Variants in C1QTNF2 observed in about 807,000 individuals in gnomAD.
C1QTNF2 encodes C1q and TNF related 2, also known as complement C1q tumor necrosis factor-related protein 2.
A neutral mutation model predicts 17.4 loss-of-function variants in C1QTNF2; 15 were observed. That is an observed-to-expected ratio of 0.86 (90% CI 0.58 to 1.33). The LOEUF is 1.33. C1QTNF2 is among the 40% of genes most tolerant of loss of function. The pLI is 0.00. For missense variants in C1QTNF2, 381 were observed against 392.3 expected (o/e 0.97, Z 0.24); for synonymous variants, 154 against 163.3 (o/e 0.94, Z 0.44).
chr5:160,359,064 C>T (rs896081424), intron 1 of C1QTNF2, among the ~76,000 whole-genome samples: 6 of 152,222 alleles, frequency 3.9e-5, no homozygotes, highest in Non-Finnish European at 8.8e-5. Context: ...GCGTGAGCCA[C>T]CGCATCCAGC....
intron 1 of C1QTNF2, among the ~76,000 whole-genome samples, chr5:160,359,913 C>A (rs867521711): frequency 9.8e-5 from 15 of 152,320 alleles, no homozygotes; most frequent in African/African-American, 3.4e-4. Context: ...AGCCTCAGCT[C>A]CTCCCTGGCT....
intron 1 of C1QTNF2, among the ~76,000 whole-genome samples, chr5:160,355,902 T>C (rs547314409): frequency 6.6e-6 from 1 of 152,342 alleles, no homozygotes; most frequent in Admixed American, 6.5e-5. Context: ...AGCCAAAAGA[T>C]TGGACACTCC....
chr5:160,362,752 T>G (rs1438244687), intron 1 of C1QTNF2, among the ~76,000 whole-genome samples: 3 of 152,142 alleles, frequency 2.0e-5, no homozygotes, highest in Non-Finnish European at 4.4e-5. Context: ...TGGGCTTGGA[T>G]TCTGAAGACT....
rs569609439 is a variant in C1QTNF2 at position 160,369,242 on chromosome 5, G to A, written c.-10+1270C>T. Reference sequence around the variant, plus strand: ...GTTCGAATTTCTTGTGATGAGCGTCGTTACTTTTATAACATTTAAAACAAA... The same window carrying A: ...GTTCGAATTTCTTGTGATGAGCGTCATTACTTTTATAACATTTAAAACAAA... On this transcript the variant is annotated intron_variant, in intron 1 of 2. Transcript: ENST00000652664. Among the ~76,000 whole-genome samples, 17 of 152,192 alleles carry A rather than the reference G, an allele frequency of 1.1e-4. No homozygotes were observed. In the South Asian group the frequency reaches 2.5e-3, roughly 22 times the overall value.
chr5:160,355,029 G>T lies in C1QTNF2; in HGVS notation c.-9-9C>A, dbSNP rs747300076. On this transcript the variant is annotated splice_polypyrimidine_tract_variant and intron_variant, in intron 1 of 2. Coordinates refer to ENST00000652664, the MANE Select transcript of C1QTNF2 (RefSeq NM_031908.6). ...GGGATCATGGTGGTTACCTGTGGGA[G>T]GCAAGAGAGCTGTGACAGGTGAGTG... 2.6e-6 allele frequency: 4 copies of T among 1,534,164 alleles called. No homozygotes were observed. In the Admixed American group the frequency reaches 6.3e-5, roughly 24 times the overall value.
chr5:160,365,592 G>A (rs73819860), intron 1 of C1QTNF2, among the ~76,000 whole-genome samples: 3 of 151,070 alleles, frequency 2.0e-5, no homozygotes, highest in African/African-American at 7.3e-5. Context: ...TCTCTACAAA[G>A]AAAAAAAAAT....
In C1QTNF2 at chr5:160,367,572, A is replaced by G. The variant is rs555924934; in HGVS notation, c.-10+2940T>C. ...TGACAACCATGTGAAGACACAGCAG[A>G]TGATGGCCACCTGCAAGCCACAGAG... On this transcript the variant is annotated intron_variant, in intron 1 of 2. Transcript: ENST00000652664. Among the ~76,000 whole-genome samples the G allele has an allele frequency of 3.9e-4, 59 of 152,342 alleles. 1 individual carries two copies. The South Asian group carries it at 0.012, about 30-fold the overall frequency.
At chr5:160,351,200 A>G (rs1470638157) in intron 2 of C1QTNF2, among the ~76,000 whole-genome samples, 1 of 152,194 alleles carries the variant, frequency 6.6e-6, no homozygotes, top group Non-Finnish European at 1.5e-5. Context: ...TCATACTCCA[A>G]TGTTTCATAA....
intron 1 of C1QTNF2, among the ~76,000 whole-genome samples, chr5:160,360,154 T>C (rs914223890): frequency 6.6e-6 from 1 of 152,232 alleles, no homozygotes; most frequent in Non-Finnish European, 1.5e-5. Context: ...CAGCTCTTTG[T>C]TTCTTTTCCA....
chr5:160,354,657 T>G (rs1764005754), intron 2 of C1QTNF2, 111 bp downstream of exon 2: 3 of 872,978 alleles, frequency 3.4e-6, no homozygotes, highest in Non-Finnish European at 4.9e-6. Flanking sequence ...AATAGTAATT[T>G]GATTTATAAT....
intron 2 of C1QTNF2, 147 bp downstream of exon 2, chr5:160,354,621 T>G (rs1308128347): frequency 9.0e-5 from 18 of 200,174 alleles, no homozygotes; most frequent in Non-Finnish European, 1.6e-4. Context: ...TATATATATA[T>G]ATATATATAT....
In C1QTNF2 at chr5:160,350,319, G is replaced by T. The variant is rs1461352899; in HGVS notation, c.245-538C>A. On this transcript the variant is annotated intron_variant, in intron 2 of 2. Coordinates refer to ENST00000652664, the MANE Select transcript of C1QTNF2 (RefSeq NM_031908.6). Reference sequence around the variant, plus strand: ...CTATACTGTGGATTTCTATGCAGGAGTTAAAAAAAAAAGTAGAGTTACGTG... The same window carrying T: ...CTATACTGTGGATTTCTATGCAGGATTTAAAAAAAAAAGTAGAGTTACGTG... Among the ~76,000 whole-genome samples, 3 of 151,820 alleles carry T rather than the reference G, an allele frequency of 2.0e-5. No individual in the cohort carries two copies. In the East Asian group the frequency reaches 5.8e-4, roughly 29 times the overall value.
At chr5:160,352,759 C>T (rs1201815015) in intron 2 of C1QTNF2, among the ~76,000 whole-genome samples, 1 of 152,166 alleles carries the variant, frequency 6.6e-6, no homozygotes, top group African/African-American at 2.4e-5. Flanking sequence ...CCAGTTAAAG[C>T]TATGATAGTT....
chr5:160,358,260 G>A (rs1412651040), intron 1 of C1QTNF2, among the ~76,000 whole-genome samples: 1 of 152,134 alleles, frequency 6.6e-6, no homozygotes, highest in Non-Finnish European at 1.5e-5. Context: ...CTAGAGGAAG[G>A]GAGGGAGAGG....
In C1QTNF2 at chr5:160,349,464, C is replaced by T. The variant is rs763456555; in HGVS notation, c.562G>A (p.Val188Ile). 46 of 1,613,972 alleles carry T rather than the reference C, an allele frequency of 2.9e-5. No individual in the cohort carries two copies. The highest frequency in any genetic ancestry group is 6.7e-5 in the Admixed American group (4 of 60,008). ...GHYNASSGKF[V>I]CGVPGIYYFT... ...TAGTAGATCCCAGGCACGCCGCAGA[C>T]GAACTTGCCGCTGGAAGCATTGTAG... The change falls in exon 3 of 3, where the codon GTC becomes ATC. Residue 188 changes from valine to isoleucine, a missense_variant. Transcript: ENST00000652664. The surrounding 1 kb of genome is among the most constrained non-coding windows in gnomAD (Gnocchi z 4.3).
At chr5:160,353,788 C>CTTTTTTTT (rs200777932) in intron 2 of C1QTNF2, among the ~76,000 whole-genome samples, 7 of 85,974 alleles carry the variant, frequency 8.1e-5, no homozygotes, top group East Asian at 4.0e-4. Context: ...ACTTCTCAGG[C>CTTTTTTTT]TTTTTTTTTT....
intron 1 of C1QTNF2, among the ~76,000 whole-genome samples, chr5:160,368,600 C>T (rs2113541818): frequency 6.6e-6 from 1 of 151,294 alleles, no homozygotes; most frequent in African/African-American, 2.4e-5. Flanking sequence ...TTGATTTATG[C>T]AAGAGTTCAT....
intron 2 of C1QTNF2, among the ~76,000 whole-genome samples, chr5:160,351,367 G>C (rs908999558): frequency 3.3e-5 from 5 of 152,112 alleles, no homozygotes; most frequent in African/African-American, 4.8e-5. Flanking sequence ...ATATGAACTG[G>C]GTCAAGGAAG....
At chr5:160,363,075 A>C (rs889136118) in intron 1 of C1QTNF2, among the ~76,000 whole-genome samples, 6 of 152,204 alleles carry the variant, frequency 3.9e-5, no homozygotes, top group Admixed American at 3.9e-4. Flanking sequence ...AGGACACCCA[A>C]ATCTCACCCA....
Sources: allele counts gnomAD v4.1 joint callset (sites outside exome capture counted in the v4.1 genomes callset), GRCh38; gene constraint gnomAD v4.1.1; non-coding constraint Gnocchi (gnomAD v3.1); transcripts MANE v1.5; gene names NCBI Gene and HGNC (gene_info 2026-07-23, HGNC 2026-07-21).